Variants in STAT4 observed in about 807,000 individuals in gnomAD.
The protein encoded by STAT4 is signal transducer and activator of transcription 4.
STAT4 carries 42 observed loss-of-function variants against 110.5 expected under a neutral mutation model. That is an observed-to-expected ratio of 0.38 (90% CI 0.30 to 0.49). STAT4 has a LOEUF of 0.49. Among genes scored for constraint, STAT4 ranks in the 20% least tolerant of loss-of-function variants. STAT4 has a pLI of 0.95. For missense variants in STAT4, 632 were observed against 887.9 expected (o/e 0.71, Z 3.66); for synonymous variants, 284 against 302.2 (o/e 0.94, Z 0.63).
At chr2:191,038,738 A>C (rs1696110571) in intron 16 of STAT4, among the ~76,000 whole-genome samples, 1 of 152,224 alleles carries the variant, frequency 6.6e-6, no homozygotes, top group African/African-American at 2.4e-5. Context: ...GAAATCTGTA[A>C]TCCACTTGAA....
chr2:191,079,235 T>TCACACACACACACACACACA (rs147894714), intron 3 of STAT4, among the ~76,000 whole-genome samples: 41 of 151,196 alleles, frequency 2.7e-4, no homozygotes, highest in African/African-American at 7.3e-4. Context: ...ACTTGTCAAG[T>TCACACACACACACACACACA]CACGCACACA....
chr2:191,117,687 G>C lies in STAT4; in HGVS notation c.273+28926C>G, dbSNP rs1401384898. Among the ~76,000 whole-genome samples the C allele has an allele frequency of 6.6e-6, 1 of 152,148 alleles. No homozygotes were observed. Among genetic ancestry groups the C allele is most frequent in the African/African-American group, 2.4e-5 (1 of 41,428 alleles). ...CTGGGCAGAGGGCATTGCAAGCAAT[G>C]AGTAGAGTCCATTCTAAGAATACAA... On this transcript the variant is annotated intron_variant, in intron 3 of 23. Transcript: ENST00000392320. This position sits in a 1 kb window ranked among gnomAD's most constrained non-coding sequence, Gnocchi z 5.2.
Position 191,033,099 on chromosome 2 carries a change from C to G in STAT4, c.1903G>C (p.Ala635Pro). 6 of 1,614,158 alleles carry G rather than the reference C, an allele frequency of 3.7e-6. No homozygotes were observed. The highest frequency in any genetic ancestry group is 5.1e-6 in the Non-Finnish European group (6 of 1,180,038). ...VEPYNKGRLS[A>P]LPFADILRDY... ...CGCAGGATGTCAGCGAATGGCAGAGCAGACAACCGGCCTTTATTGTAGGGT... is the reference window on the plus strand; with the variant it reads ...CGCAGGATGTCAGCGAATGGCAGAGGAGACAACCGGCCTTTATTGTAGGGT... The change falls in exon 21 of 24, where the codon GCT becomes CCT. Residue 635 changes from alanine to proline, a missense_variant. Transcript: ENST00000392320. The surrounding 1 kb of genome is among the most constrained non-coding windows in gnomAD (Gnocchi z 6.9).
chr2:191,110,125 T>A lies in STAT4; in HGVS notation c.274-33800A>T, dbSNP rs1698385904. 6.6e-6 allele frequency among the ~76,000 whole-genome samples: 1 copy of A among 152,148 alleles called. No individual in the cohort carries two copies. The highest frequency in any genetic ancestry group is 2.4e-5 in the African/African-American group (1 of 41,428). Reference sequence around the variant, plus strand: ...TGGCCGCACAGCAGCCTCAACCACTTGAGGAAACACTACTTCATGTCCCTA... The same window carrying A: ...TGGCCGCACAGCAGCCTCAACCACTAGAGGAAACACTACTTCATGTCCCTA... On this transcript the variant is annotated intron_variant, in intron 3 of 23. Coordinates refer to ENST00000392320, the MANE Select transcript of STAT4 (RefSeq NM_003151.4). The surrounding 1 kb of genome is among the most constrained non-coding windows in gnomAD (Gnocchi z 4.5).
chr2:191,110,270 A>T lies in STAT4; in HGVS notation c.274-33945T>A, dbSNP rs570046721. On this transcript the variant is annotated intron_variant, in intron 3 of 23. Transcript: ENST00000392320. The surrounding 1 kb of genome is among the most constrained non-coding windows in gnomAD (Gnocchi z 4.5). ...ATTCAACAATATTCAGGTTTCAGCT[A>T]TGTGTCTGGCTCTGTGATCGGTGTT... 1.3e-5 allele frequency among the ~76,000 whole-genome samples: 2 copies of T among 152,302 alleles called. No homozygotes were observed. Among genetic ancestry groups the T allele is most frequent in the Non-Finnish European group, 2.9e-5 (2 of 68,022 alleles).
intron 5 of STAT4, among the ~76,000 whole-genome samples, chr2:191,072,489 C>G (rs184561851): frequency 1.9e-3 from 292 of 152,206 alleles, no homozygotes; most frequent in African/African-American, 6.8e-3. Context: ...GCCTACTATT[C>G]AGATAATATA....
intron 16 of STAT4, among the ~76,000 whole-genome samples, chr2:191,036,582 G>A (rs1310695228): frequency 1.1e-4 from 17 of 152,178 alleles, no homozygotes; most frequent in Admixed American, 1.1e-3. Context: ...TCTGAAGAAT[G>A]CCAACCCCAA....
At chr2:191,124,714 T>C (rs946450488) in intron 3 of STAT4, among the ~76,000 whole-genome samples, 1 of 152,224 alleles carries the variant, frequency 6.6e-6, no homozygotes, top group East Asian at 1.9e-4. Context: ...TATCTGTGTC[T>C]ATCTATGTCA....
In STAT4 at chr2:191,066,658, AGTCT is replaced by A; in HGVS notation, c.545-147_545-144del. 1 of 631,852 alleles carries A rather than the reference AGTCT, an allele frequency of 1.6e-6. No individual in the cohort carries two copies. 39.1% of individuals were successfully genotyped at this position (631,852 alleles called of 1,614,324 possible). On this transcript the variant is annotated intron_variant, in intron 6 of 23. Transcript: ENST00000392320. This position sits in a 1 kb window ranked among gnomAD's most constrained non-coding sequence, Gnocchi z 4.3. ...TGGGTTCACTAGAGGTGAGCTTGGA[AGTCT>A]GTCTGCTCATTTTGCCAGGGAGAAT...
rs1019244392 is a variant in STAT4, at chr2:191,051,125, A to C, written c.1251+3365T>G. On this transcript the variant is annotated intron_variant, in intron 14 of 23. Transcript: ENST00000392320. This position sits in a 1 kb window ranked among gnomAD's most constrained non-coding sequence, Gnocchi z 5.6. Reference sequence around the variant, plus strand: ...AAATCCCATAAAGGGGCATACACAAATGGTGACCTGAGGTTTCAAGGAACT... The same window carrying C: ...AAATCCCATAAAGGGGCATACACAACTGGTGACCTGAGGTTTCAAGGAACT... Among the ~76,000 whole-genome samples, 3 of 152,328 alleles carry C rather than the reference A, an allele frequency of 2.0e-5. No homozygotes were observed. The highest frequency in any genetic ancestry group is 1.3e-4 in the Admixed American group (2 of 15,302).
chr2:191,131,839 C>A, intron 3 of STAT4: 1 of 1,447,054 alleles, frequency 6.9e-7, no homozygotes, highest in Non-Finnish European at 9.1e-7. Context: ...AGATTTGGAC[C>A]TTTGAATGCA....
intron 3 of STAT4, among the ~76,000 whole-genome samples, chr2:191,094,832 T>C (rs1009649466): frequency 1.4e-5 from 2 of 147,150 alleles, no homozygotes; most frequent in East Asian, 2.0e-4. Flanking sequence ...CAGTGTGCTA[T>C]ATTCAGGAGA....
rs1258390189 is a variant in STAT4, at chr2:191,113,733, T to A, written c.273+32880A>T. Among the ~76,000 whole-genome samples the A allele has an allele frequency of 6.6e-6, 1 of 152,134 alleles. No individual in the cohort carries two copies. The highest frequency in any genetic ancestry group is 1.5e-5 in the Non-Finnish European group (1 of 68,008). On this transcript the variant is annotated intron_variant, in intron 3 of 23. Transcript: ENST00000392320. This position sits in a 1 kb window ranked among gnomAD's most constrained non-coding sequence, Gnocchi z 4.8. ...GCAGGGAAATAGGATAGAGAAAAAATAATTACGGAAACCAGTATAAAGAAA... is the reference window on the plus strand; with the variant it reads ...GCAGGGAAATAGGATAGAGAAAAAAAAATTACGGAAACCAGTATAAAGAAA...
At chr2:191,034,080 TTTTCACCAAAATA>T (rs1695973152) in intron 18 of STAT4, 75 bp from the exon 19 acceptor site, 1 of 1,037,850 alleles carries the variant, frequency 9.6e-7, no homozygotes, top group South Asian at 1.5e-5. Flanking sequence ...TAAGTTCAAT[TTTTCACCAAAATA>T]TTATCTTTAA....
At position 191,074,006 on chromosome 2, in the gene STAT4, G is replaced by A. The variant is rs935276878; in HGVS notation, c.373-816C>T. On this transcript the variant is annotated intron_variant, in intron 4 of 23. Transcript: ENST00000392320. Reference sequence around the variant, plus strand: ...TGTGTAATTTTTAAAATGGTATAACGAAACTACATTAAATTGGCCCTAAAT... The same window carrying A: ...TGTGTAATTTTTAAAATGGTATAACAAAACTACATTAAATTGGCCCTAAAT... Among the ~76,000 whole-genome samples, 12 of 152,210 alleles carry A rather than the reference G, an allele frequency of 7.9e-5. No individual in the cohort carries two copies. In the South Asian group the frequency reaches 8.3e-4, roughly 11 times the overall value.
rs1472136039 is a variant in STAT4 at position 191,142,877 on chromosome 2, C to G, written c.273+3736G>C. 6.6e-6 allele frequency among the ~76,000 whole-genome samples: 1 copy of G among 151,998 alleles called. No homozygotes were observed. Among genetic ancestry groups the G allele is most frequent in the East Asian group, 1.9e-4 (1 of 5,192 alleles). ...AGATTTTCAGGGGCCATGAAACTCT[C>G]TAGTATGATATTGTAATGGTAGATA... is the stretch of plus-strand genomic sequence containing the variant. On this transcript the variant is annotated intron_variant, in intron 3 of 23. Coordinates refer to ENST00000392320, the MANE Select transcript of STAT4 (RefSeq NM_003151.4). The surrounding 1 kb of genome is among the most constrained non-coding windows in gnomAD (Gnocchi z 4.1).
In STAT4 at chr2:191,031,206, T is replaced by G. The variant is rs897792152; in HGVS notation, c.2112-126A>C. The G allele has an allele frequency of 5.9e-6, 6 of 1,020,550 alleles. No individual in the cohort carries two copies. The highest frequency in any genetic ancestry group is 8.8e-6 in the Non-Finnish European group (6 of 680,718). 63.2% of individuals were successfully genotyped at this position (1,020,550 alleles called of 1,614,324 possible). ...TTGTGACATTGAGTTATCTAATTCA[T>G]CATTTCATATCAGAACACTCAACTT... On this transcript the variant is annotated intron_variant, in intron 22 of 23. Coordinates refer to ENST00000392320, the MANE Select transcript of STAT4 (RefSeq NM_003151.4). The surrounding 1 kb of genome is among the most constrained non-coding windows in gnomAD (Gnocchi z 4.8).
Position 191,076,337 on chromosome 2 carries a change from AAC to A in STAT4, c.274-14_274-13del. On this transcript the variant is annotated splice_polypyrimidine_tract_variant and intron_variant, in intron 3 of 23. Coordinates refer to ENST00000392320, the MANE Select transcript of STAT4 (RefSeq NM_003151.4). ...CCATGAAATTTTCCCTGAAAAAAAA[AAC>A]AATGAGCAAAAATAACTAACGTAAA... 1 of 1,585,666 alleles carries A rather than the reference AAC, an allele frequency of 6.3e-7. No homozygotes were observed. The highest frequency in any genetic ancestry group is 8.6e-7 in the Non-Finnish European group (1 of 1,166,040).
At chr2:191,054,972 G>C (rs371656116) in intron 13 of STAT4, among the ~76,000 whole-genome samples, 1 of 152,066 alleles carries the variant, frequency 6.6e-6, no homozygotes, top group Admixed American at 6.5e-5. Context: ...GCTATTAAAT[G>C]ACATTACAGG....
Sources: allele counts gnomAD v4.1 joint callset (sites outside exome capture counted in the v4.1 genomes callset), GRCh38; gene constraint gnomAD v4.1.1; non-coding constraint Gnocchi (gnomAD v3.1); transcripts MANE v1.5; gene names NCBI Gene and HGNC (gene_info 2026-07-23, HGNC 2026-07-21).